Variants in CCDC171 observed in about 807,000 individuals in gnomAD.
CCDC171 encodes coiled-coil domain containing 171, also known as coiled-coil domain-containing protein 171.
In CCDC171, 177 loss-of-function variants were observed where a neutral mutation model predicts 168.2. The ratio of observed to expected loss-of-function variants is 1.05; its 90% CI spans 0.93 to 1.19. The LOEUF is 1.19. Ranked by LOEUF, CCDC171 falls within the 50% of genes most tolerant of loss-of-function variation. The pLI is 0.00. For synonymous variants in CCDC171, 687 were observed against 540.8 expected (o/e 1.27, Z -3.75); for missense variants, 1,991 against 1,539.0 (o/e 1.29, Z -4.91).
At chr9:15,806,188 G>T (rs1267881550) in intron 21 of CCDC171, among the ~76,000 whole-genome samples, 1 of 151,906 alleles carries the variant, frequency 6.6e-6, no homozygotes, top group Non-Finnish European at 1.5e-5. Context: ...TCTTTATCTA[G>T]CTTGCCACTC....
chr9:15,747,258 A>G (rs929679710), intron 18 of CCDC171, among the ~76,000 whole-genome samples: 43 of 152,228 alleles, frequency 2.8e-4, no homozygotes, highest in Non-Finnish European at 4.6e-4. Context: ...TCAGGGACTT[A>G]TAGATAAAAC....
Position 15,909,524 on chromosome 9 carries a change from C to T in CCDC171, c.3601-10746C>T, listed in dbSNP as rs77150918. The stretch of plus-strand genomic sequence containing the variant: ...TTTTTACTGGAATGGAATGTCCTGG[C>T]GAAACAAGTATTTGTGGGCAGGACC... On this transcript the variant is annotated intron_variant, in intron 24 of 25. Coordinates refer to ENST00000380701, the MANE Select transcript of CCDC171 (RefSeq NM_173550.4). Among the ~76,000 whole-genome samples, 1,026 of 152,120 alleles carry T rather than the reference C, an allele frequency of 6.7e-3. 26 individuals are homozygous for T. In the East Asian group the frequency reaches 0.087, roughly 13 times the overall value.
At chr9:16,065,654 A>G (rs916156223), downstream of CCDC171, among the ~76,000 whole-genome samples, 1 of 152,216 alleles carries the variant, frequency 6.6e-6, no homozygotes, top group African/African-American at 2.4e-5. Flanking sequence ...TATTTGCTTT[A>G]GAAACATGAT....
chr9:15,759,953 C>T (rs1417609238), intron 18 of CCDC171, among the ~76,000 whole-genome samples: 1 of 151,994 alleles, frequency 6.6e-6, no homozygotes, highest in African/African-American at 2.4e-5. Context: ...GACTCATTGT[C>T]CTTTGAATCA....
chr9:16,007,345 T>G (rs1244482786), intron 3 of CCDC171, among the ~76,000 whole-genome samples: 1 of 152,186 alleles, frequency 6.6e-6, no homozygotes, highest in African/African-American at 2.4e-5. Flanking sequence ...CTTTGTCAGA[T>G]GAGTAGGTTG....
chr9:15,701,410 T>C (rs1431622985), intron 11 of CCDC171, among the ~76,000 whole-genome samples: 1 of 152,124 alleles, frequency 6.6e-6, no homozygotes, highest in Non-Finnish European at 1.5e-5. Flanking sequence ...TTTTAGTTGA[T>C]TTTTTAATAC....
intron 1 of CCDC171, among the ~76,000 whole-genome samples, chr9:15,562,185 G>A (rs565174556): frequency 4.0e-5 from 6 of 151,892 alleles, no homozygotes; most frequent in South Asian, 2.1e-4. Context: ...TAGTAGAGTC[G>A]GGGTTTCACC....
chr9:15,562,756 C>G (rs1367064924), intron 1 of CCDC171, among the ~76,000 whole-genome samples: 6 of 152,064 alleles, frequency 3.9e-5, no homozygotes, highest in African/African-American at 1.4e-4. Flanking sequence ...GTTTTTGTGC[C>G]TTGGACATTA....
chr9:15,818,327 G>A lies in CCDC171; in HGVS notation c.3268-28375G>A, dbSNP rs1388504664. Among the ~76,000 whole-genome samples, 6 of 117,970 alleles carry A rather than the reference G, an allele frequency of 5.1e-5. 3 individuals carry two copies. Among genetic ancestry groups the A allele is most frequent in the African/African-American group, 1.3e-4 (4 of 31,334 alleles). 77.4% of individuals were successfully genotyped at this position (117,970 alleles called of 152,430 possible). On this transcript the variant is annotated intron_variant, in intron 21 of 25. Coordinates refer to ENST00000380701, the MANE Select transcript of CCDC171 (RefSeq NM_173550.4). ...AGGAATGCAGCTCCTCACCAGCAACGGACCAAAGCTGGACAGAGAATGACT... is the reference window on the plus strand; with the variant it reads ...AGGAATGCAGCTCCTCACCAGCAACAGACCAAAGCTGGACAGAGAATGACT...
chr9:15,787,536 T>C (rs1232097520), intron 21 of CCDC171, among the ~76,000 whole-genome samples: 1 of 152,164 alleles, frequency 6.6e-6, no homozygotes, highest in Non-Finnish European at 1.5e-5. Flanking sequence ...TTTTTTTCTC[T>C]TCTGTTTCTC....
chr9:15,987,165 T>C (rs1454344219), intron 3 of CCDC171, among the ~76,000 whole-genome samples: 3 of 152,114 alleles, frequency 2.0e-5, no homozygotes, highest in Non-Finnish European at 4.4e-5. Flanking sequence ...CAAACTTTTA[T>C]ACAGAAAACA....
chr9:15,898,968 C>T (rs1016069541), intron 24 of CCDC171, among the ~76,000 whole-genome samples: 1 of 152,088 alleles, frequency 6.6e-6, no homozygotes, highest in Non-Finnish European at 1.5e-5. Flanking sequence ...GACATATCAC[C>T]CCCTGTCCTG....
intron 7 of CCDC171, among the ~76,000 whole-genome samples, chr9:16,035,863 A>T (rs1833457267): frequency 6.6e-6 from 1 of 152,198 alleles, no homozygotes; most frequent in Non-Finnish European, 1.5e-5. Context: ...GTTGAAAATA[A>T]ATTCTACCGC....
At chr9:15,759,034 C>A (rs2056299528) in intron 18 of CCDC171, among the ~76,000 whole-genome samples, 1 of 152,146 alleles carries the variant, frequency 6.6e-6, no homozygotes, top group Non-Finnish European at 1.5e-5. Context: ...TGATTTCATT[C>A]TTTTTCATTG....
At chr9:16,066,204 T>G (rs1459093124), downstream of CCDC171, among the ~76,000 whole-genome samples, 1 of 152,178 alleles carries the variant, frequency 6.6e-6, no homozygotes, top group African/African-American at 2.4e-5. Context: ...TGACTGTGTC[T>G]GAGGAATGGC....
At chr9:15,909,096 A>G (rs78853907) in intron 24 of CCDC171, among the ~76,000 whole-genome samples, 1,746 of 152,282 alleles carry the variant, frequency 0.011, 36 homozygotes, top group African/African-American at 0.04. Flanking sequence ...AGTCTTTAAA[A>G]ATAATAAAGC....
intron 2 of CCDC171, among the ~76,000 whole-genome samples, chr9:15,570,601 C>A (rs748654087): frequency 2.6e-5 from 4 of 152,230 alleles, no homozygotes; most frequent in Admixed American, 6.5e-5. Flanking sequence ...TTGTGGCATG[C>A]TCTGTAGGGT....
chr9:15,809,079 A>C (rs2059210241), intron 21 of CCDC171, among the ~76,000 whole-genome samples: 4 of 152,176 alleles, frequency 2.6e-5, no homozygotes, highest in Admixed American at 2.6e-4. Flanking sequence ...TCACCTCCCA[A>C]AAGCCCCACC....
intron 21 of CCDC171, among the ~76,000 whole-genome samples, chr9:15,794,967 C>A (rs1483811507): frequency 6.6e-6 from 1 of 152,188 alleles, no homozygotes; most frequent in Non-Finnish European, 1.5e-5. Flanking sequence ...CAGGATTTTG[C>A]TAACATGAAA....
Sources: allele counts gnomAD v4.1 joint callset (sites outside exome capture counted in the v4.1 genomes callset), GRCh38; gene constraint gnomAD v4.1.1; transcripts MANE v1.5; gene names NCBI Gene and HGNC (gene_info 2026-07-23, HGNC 2026-07-21).